The following KCNT2 variants were observed in gnomAD, a reference collection of about 807,000 sequenced individuals.
KCNT2 encodes potassium channel subfamily T member 2.
Under a neutral mutation model 153.8 loss-of-function variants are expected in KCNT2, and 67 were observed. The observed-to-expected ratio is 0.44, with a 90% confidence interval of 0.36 to 0.53. The LOEUF (loss-of-function observed/expected upper bound fraction) is 0.53. Among genes scored for constraint, KCNT2 ranks in the 20% least tolerant of loss-of-function variants. The pLI is 0.00. For synonymous variants in KCNT2, 500 were observed against 458.8 expected, an observed-to-expected ratio of 1.09 and a Z score of -1.15; for missense variants, 975 against 1,354.8, an observed-to-expected ratio of 0.72 and a Z score of 4.40.
At chr1:196,444,850 A>G (rs1415717597) in intron 8 of KCNT2, among the ~76,000 whole-genome samples, 1 of 151,364 alleles carries the variant, frequency 6.6e-6, no homozygotes, top group Non-Finnish European at 1.5e-5. Context: ...TGCCCCAAGC[A>G]GCAAATATAT....
intron 14 of KCNT2, among the ~76,000 whole-genome samples, chr1:196,359,879 G>T (rs1201794495): frequency 6.6e-6 from 1 of 151,848 alleles, no homozygotes; most frequent in African/African-American, 2.4e-5. Context: ...AGAATCAAGA[G>T]ATAAGGATAC....
intron 5 of KCNT2, among the ~76,000 whole-genome samples, chr1:196,474,769 T>A (rs1432140067): frequency 6.6e-6 from 1 of 152,200 alleles, no homozygotes; most frequent in Non-Finnish European, 1.5e-5. Flanking sequence ...AGGGTATTTA[T>A]GATGACAAAA....
chr1:196,351,345 G>A (rs1483433928), intron 14 of KCNT2, among the ~76,000 whole-genome samples: 1 of 152,176 alleles, frequency 6.6e-6, no homozygotes, highest in African/African-American at 2.4e-5. Context: ...AGCATGGAAT[G>A]CTCTTCCATT....
chr1:196,247,305 G>A (rs1655543355), intron 26 of KCNT2, among the ~76,000 whole-genome samples: 2 of 152,094 alleles, frequency 1.3e-5, no homozygotes, highest in African/African-American at 2.4e-5. Context: ...AAGAACTAAG[G>A]AGAGATAGAC....
At chr1:196,422,190 A>G (rs1673268006) in intron 12 of KCNT2, among the ~76,000 whole-genome samples, 1 of 152,050 alleles carries the variant, frequency 6.6e-6, no homozygotes, top group Non-Finnish European at 1.5e-5. Flanking sequence ...AGGACAACAC[A>G]GAGCCTGCCC....
intron 1 of KCNT2, among the ~76,000 whole-genome samples, chr1:196,509,472 C>T (rs73067702): frequency 0.048 from 7,221 of 151,970 alleles, 587 homozygotes; most frequent in African/African-American, 0.16. Flanking sequence ...AAGATGCAAG[C>T]CTAAGACTAT....
At chr1:196,248,086 T>G (rs1023810719) in intron 26 of KCNT2, among the ~76,000 whole-genome samples, 3 of 151,996 alleles carry the variant, frequency 2.0e-5, no homozygotes, top group African/African-American at 7.2e-5. Flanking sequence ...AATTGAAAGA[T>G]TTCTCAAAAC....
chr1:196,544,932 T>C (rs946935901), intron 1 of KCNT2, among the ~76,000 whole-genome samples: 3 of 150,616 alleles, frequency 2.0e-5, no homozygotes, highest in Non-Finnish European at 4.4e-5. Flanking sequence ...AAATAATGAC[T>C]GCTTTCACAA....
chr1:196,537,563 C>T (rs1171227230), intron 1 of KCNT2, among the ~76,000 whole-genome samples: 7 of 152,270 alleles, frequency 4.6e-5, no homozygotes, highest in East Asian at 1.9e-4. Context: ...TGTCTCCCCA[C>T]GCCAGGAACC....
intron 1 of KCNT2, among the ~76,000 whole-genome samples, chr1:196,546,848 C>A (rs1197413246): frequency 6.6e-6 from 1 of 151,868 alleles, no homozygotes; most frequent in Non-Finnish European, 1.5e-5. Context: ...GCACAATGTA[C>A]GTCATGGAAC....
At position 196,340,723 on chromosome 1, in the gene KCNT2, A is replaced by C. The variant is rs534165329; in HGVS notation, c.1554-153T>G. Reference sequence around the variant, plus strand: ...TTACAGGAAAATAAACTATGTGCTTAGTGTGTTGTAAAACCAATTTAGCTG... The same window carrying C: ...TTACAGGAAAATAAACTATGTGCTTCGTGTGTTGTAAAACCAATTTAGCTG... On this transcript the variant is annotated intron_variant, in intron 15 of 27. Transcript: ENST00000294725. 1.1e-4 allele frequency among the ~76,000 whole-genome samples: 17 copies of C among 152,192 alleles called. No homozygotes were observed. In the South Asian group the frequency reaches 3.5e-3, roughly 32 times the overall value.
intron 22 of KCNT2, among the ~76,000 whole-genome samples, chr1:196,303,772 T>C (rs769221015): frequency 6.6e-6 from 1 of 152,154 alleles, no homozygotes; most frequent in Non-Finnish European, 1.5e-5. Context: ...AAAGCAGTGG[T>C]GAATTGGACC....
intron 1 of KCNT2, among the ~76,000 whole-genome samples, chr1:196,600,026 A>T (rs4658044): frequency 6.6e-6 from 1 of 152,204 alleles, no homozygotes; most frequent in Admixed American, 6.5e-5. Context: ...TGTATATGCA[A>T]TGGTTCCTCC....
intron 19 of KCNT2, among the ~76,000 whole-genome samples, chr1:196,320,135 T>A (rs1490521271): frequency 6.6e-6 from 1 of 151,772 alleles, no homozygotes; most frequent in Non-Finnish European, 1.5e-5. Flanking sequence ...AATTTATTGA[T>A]ATACTCTCTA....
chr1:196,275,350 A>C (rs895268568), intron 25 of KCNT2, among the ~76,000 whole-genome samples: 3 of 151,084 alleles, frequency 2.0e-5, no homozygotes, highest in Non-Finnish European at 4.4e-5. Flanking sequence ...TTCCATCTCT[A>C]CTCTGCTTTC....
intron 25 of KCNT2, among the ~76,000 whole-genome samples, chr1:196,274,361 A>G (rs890092413): frequency 6.6e-6 from 1 of 151,672 alleles, no homozygotes; most frequent in East Asian, 1.9e-4. Flanking sequence ...TAATAGTATT[A>G]TCTATAACTG....
intron 25 of KCNT2, among the ~76,000 whole-genome samples, chr1:196,269,361 G>A (rs1263639640): frequency 2.0e-5 from 3 of 152,056 alleles, no homozygotes; most frequent in African/African-American, 7.2e-5. Flanking sequence ...GTGTATATGT[G>A]TGTGTGTGTG....
In KCNT2 at chr1:196,339,520, C is replaced by CAGAGAGAGAG. The variant is rs5779831; in HGVS notation, c.1783+811_1783+820dup. ...AGATATGAAGAGACACACACACACA[C>CAGAGAGAGAG]AGAGAGAGAGAGAGAGAGAGAGAGA... On this transcript the variant is annotated intron_variant, in intron 16 of 27. Transcript: ENST00000294725. Among the ~76,000 whole-genome samples, 744 of 137,986 alleles carry CAGAGAGAGAG rather than the reference C, an allele frequency of 5.4e-3. 5 individuals carry two copies. The highest frequency in any genetic ancestry group is 0.021 in the African/African-American group (720 of 34,966). 90.5% of individuals were successfully genotyped at this position (137,986 alleles called of 152,430 possible).
chr1:196,608,425 A>G lies in KCNT2; in HGVS notation c.-116T>C, dbSNP rs1281498657. 1.7e-6 allele frequency: 1 copy of G among 599,410 alleles called. No homozygotes were observed. The highest frequency in any genetic ancestry group is 3.0e-6 in the Non-Finnish European group (1 of 331,416). 37.1% of individuals were successfully genotyped at this position (599,410 alleles called of 1,614,324 possible). A position where few individuals can be genotyped will look rare whatever the true frequency, so the allele number is the denominator to read the frequency against. The stretch of plus-strand genomic sequence containing the variant: ...ACAAGACGCTGTGGCCGAGAGAGGG[A>G]TGGGAGAAGGGGAAGGGGACAGGGA... On this transcript the variant is annotated 5_prime_UTR_variant, in exon 1 of 28. Transcript: ENST00000294725.
Sources: gnomAD v4.1 joint callset for allele counts (sites outside exome capture counted in the v4.1 genomes callset) on GRCh38, gnomAD v4.1.1 for gene constraint, MANE v1.5 for transcripts, NCBI Gene and HGNC (gene_info 2026-07-23, HGNC 2026-07-21) for gene names.